The following HPD variants were observed in gnomAD, a reference collection of about 807,000 sequenced individuals.
HPD encodes the protein 4-hydroxyphenylpyruvate dioxygenase.
A neutral mutation model predicts 56.9 loss-of-function variants in HPD; 35 were observed. The observed-to-expected ratio is 0.62, with a 90% CI of 0.47 to 0.82. The LOEUF (loss-of-function observed/expected upper bound fraction) is 0.82. Among genes scored for constraint, HPD ranks in the 40% least tolerant of loss-of-function variants. The pLI is 0.00. For missense variants in HPD, 442 were observed against 506.8 expected (o/e 0.87, Z 1.23); for synonymous variants, 186 against 200.2 (o/e 0.93, Z 0.60).
the HPD span, among the ~76,000 whole-genome samples, chr12:121,876,363 G>A: frequency 6.6e-6 from 1 of 152,116 alleles, no homozygotes; most frequent in Non-Finnish European, 1.5e-5. Context: ...TTGACCGTGG[G>A]CTCTCCTGAG....
intron 7 of HPD, among the ~76,000 whole-genome samples, chr12:121,852,675 C>G (rs1183892654): frequency 2.5e-5 from 3 of 119,432 alleles, no homozygotes; most frequent in Non-Finnish European, 4.8e-5. Flanking sequence ...TGTTCTGTCG[C>G]CCAGGCTGGA....
chr12:121,842,477 G>A (rs1054912650), intron 12 of HPD, among the ~76,000 whole-genome samples: 1 of 151,922 alleles, frequency 6.6e-6, no homozygotes, highest in African/African-American at 2.4e-5. Flanking sequence ...CCAGGCTGGA[G>A]TGCAGTGGCC....
intron 11 of HPD, among the ~76,000 whole-genome samples, chr12:121,845,028 G>A (rs1442769071): frequency 6.7e-6 from 1 of 150,310 alleles, no homozygotes; most frequent in African/African-American, 2.5e-5. Flanking sequence ...AGGTTGCAGT[G>A]AGCCAAAATC....
At chr12:121,877,333 GC>G in the HPD span, among the ~76,000 whole-genome samples, 5 of 152,216 alleles carry the variant, frequency 3.3e-5, no homozygotes, top group Middle Eastern at 3.4e-3. Context: ...TTTCTGGTGT[GC>G]CTTACTGCCT....
the HPD span, among the ~76,000 whole-genome samples, chr12:121,886,407 C>A: frequency 7.2e-6 from 1 of 139,244 alleles, no homozygotes; most frequent in African/African-American, 2.9e-5. Context: ...CGCGCCTGGC[C>A]TAGTTTTTTT....
chr12:121,879,469 C>CTGTTCT, the HPD span, among the ~76,000 whole-genome samples: 1 of 48,040 alleles, frequency 2.1e-5, no homozygotes, highest in Non-Finnish European at 3.9e-5. Context: ...TCTTTTCTTT[C>CTGTTCT]CTTTTCTCTT....
rs1448170345 is a variant in HPD at position 121,851,386 on chromosome 12, G to A, written c.415-1596C>T. ...ATTTGAGATGGAGTCTCGCTCTGTC[G>A]CCCAGGCTGGAGTACAGTGGTGCAA... On this transcript the variant is annotated intron_variant, in intron 7 of 13. Transcript: ENST00000289004. 5.3e-5 allele frequency among the ~76,000 whole-genome samples: 8 copies of A among 149,686 alleles called. No individual in the cohort carries two copies. In the South Asian group the frequency reaches 6.4e-4, roughly 12 times the overall value.
the HPD span, among the ~76,000 whole-genome samples, chr12:121,874,899 TTACAGGCATGTGCCACCACATCCGGC>T: frequency 2.0e-5 from 3 of 151,972 alleles, no homozygotes; most frequent in African/African-American, 7.2e-5. Flanking sequence ...GTAGCTGGGA[TTACAGGCATGTGCCACCACATCCGGC>T]TAATTTTGTG....
chr12:121,854,449 C>T (rs1037249391), intron 7 of HPD, among the ~76,000 whole-genome samples: 1 of 152,132 alleles, frequency 6.6e-6, no homozygotes, highest in Non-Finnish European at 1.5e-5. Context: ...CATCCTTCTC[C>T]CTTCTTCAGA....
intron 12 of HPD, among the ~76,000 whole-genome samples, chr12:121,842,592 ATT>A (rs111580122): frequency 1.4e-5 from 2 of 145,548 alleles, no homozygotes; most frequent in Non-Finnish European, 3.0e-5. Flanking sequence ...CGCACAGCTA[ATT>A]TTTTTTTTTC....
At position 121,846,764 on chromosome 12, in the gene HPD, A is replaced by G. The variant is rs1210735059; in HGVS notation, c.831+98T>C. 9.0e-6 allele frequency: 10 copies of G among 1,113,962 alleles called. No homozygotes were observed. The Admixed American group carries it at 9.7e-5, about 11-fold the overall frequency. 69.0% of individuals were successfully genotyped at this position (1,113,962 alleles called of 1,614,324 possible). A position where few individuals can be genotyped will look rare whatever the true frequency, so the allele number is the denominator to read the frequency against. ...CCTGTCAGTCTCCCAGCCCAGAGAA[A>G]CGGGCCCAGGACTGCCGCCACCCGC... On this transcript the variant is annotated intron_variant, in intron 11 of 13. Coordinates refer to ENST00000289004, the MANE Select transcript of HPD (RefSeq NM_002150.3).
the HPD span, among the ~76,000 whole-genome samples, chr12:121,880,087 C>A: frequency 6.7e-6 from 1 of 148,274 alleles, no homozygotes; most frequent in Non-Finnish European, 1.5e-5. Flanking sequence ...GTTGAGGCTG[C>A]AGTGAGCCAT....
intron 12 of HPD, among the ~76,000 whole-genome samples, chr12:121,842,619 G>T (rs1355334250): frequency 6.6e-6 from 1 of 151,586 alleles, no homozygotes; most frequent in East Asian, 1.9e-4. Flanking sequence ...TGTAGAGATG[G>T]GGGTTTCGCC....
At chr12:121,884,120 A>G in the HPD span, among the ~76,000 whole-genome samples, 1 of 151,774 alleles carries the variant, frequency 6.6e-6, no homozygotes, top group Non-Finnish European at 1.5e-5. Flanking sequence ...CTCATTAATA[A>G]TTCAAGTAAG....
intron 9 of HPD, 82 bp downstream of exon 9, chr12:121,848,917 G>T: frequency 9.7e-7 from 1 of 1,026,970 alleles, no homozygotes. Context: ...TATTTTCCAT[G>T]TTAGTGCAAG....
intron 11 of HPD, among the ~76,000 whole-genome samples, 188 bp from the exon 12 acceptor site, chr12:121,844,020 T>C (rs1246552089): frequency 6.6e-6 from 1 of 152,142 alleles, no homozygotes; most frequent in Non-Finnish European, 1.5e-5. Context: ...GCTAGATTTA[T>C]AGAACACTCA....
At chr12:121,858,220 G>A (rs1316183906) in intron 2 of HPD, among the ~76,000 whole-genome samples, 1 of 152,256 alleles carries the variant, frequency 6.6e-6, no homozygotes, top group East Asian at 1.9e-4. Context: ...GGAGTGGAGT[G>A]CAGTGGTGCA....
At chr12:121,854,946 C>T (rs1259701621) in intron 6 of HPD, among the ~76,000 whole-genome samples, 154 bp from the exon 7 acceptor site, 1 of 152,090 alleles carries the variant, frequency 6.6e-6, no homozygotes, top group Non-Finnish European at 1.5e-5. Flanking sequence ...AGCCATTACC[C>T]CCAATACTCA....
intron 2 of HPD, 76 bp downstream of exon 2, chr12:121,858,611 T>C (rs1878089894): frequency 7.1e-7 from 1 of 1,399,498 alleles, no homozygotes; most frequent in Non-Finnish European, 1.0e-6. Context: ...TGCTCTCTGC[T>C]GAAACCCCAG....
Sources: allele counts gnomAD v4.1 joint callset (sites outside exome capture counted in the v4.1 genomes callset), GRCh38; gene constraint gnomAD v4.1.1; transcripts MANE v1.5; gene names NCBI Gene and HGNC (gene_info 2026-07-23, HGNC 2026-07-21).